Variants in ST6GALNAC5 observed in about 807,000 individuals in gnomAD.
ST6GALNAC5 encodes the protein ST6 N-acetylgalactosaminide alpha-2,6-sialyltransferase 5, also known as alpha-N-acetylgalactosaminide alpha-2,6-sialyltransferase 5.
A neutral mutation model predicts 33.6 loss-of-function variants in ST6GALNAC5; 27 were observed. The ratio of observed to expected loss-of-function variants is 0.80; its 90% CI spans 0.59 to 1.11. The LOEUF (loss-of-function observed/expected upper bound fraction) is 1.11. Among genes scored for constraint, ST6GALNAC5 ranks in the 50% least tolerant of loss-of-function variants. The pLI is 0.00. For synonymous variants in ST6GALNAC5, 194 were observed against 171.2 expected (o/e 1.13, Z -1.04); for missense variants, 428 against 454.0 (o/e 0.94, Z 0.52).
At chr1:76,945,356 G>A (rs975428397) in intron 2 of ST6GALNAC5, among the ~76,000 whole-genome samples, 1 of 151,586 alleles carries the variant, frequency 6.6e-6, no homozygotes, top group Admixed American at 6.6e-5. Context: ...CAAAATAGTA[G>A]GAACGCAATA....
chr1:76,977,042 A>C (rs988645197), intron 2 of ST6GALNAC5, among the ~76,000 whole-genome samples: 1 of 152,174 alleles, frequency 6.6e-6, no homozygotes, highest in Non-Finnish European at 1.5e-5. Context: ...ACTTTGAGTA[A>C]TAAGGTTCTA....
At chr1:77,010,374 A>G (rs1650587227) in intron 2 of ST6GALNAC5, among the ~76,000 whole-genome samples, 1 of 152,142 alleles carries the variant, frequency 6.6e-6, no homozygotes, top group Non-Finnish European at 1.5e-5. Context: ...ACACACTTGT[A>G]ATCTCACCTA....
chr1:76,915,875 C>CAAA (rs527844179), intron 2 of ST6GALNAC5, among the ~76,000 whole-genome samples: 2 of 139,050 alleles, frequency 1.4e-5, no homozygotes, highest in Non-Finnish European at 3.1e-5. Flanking sequence ...TGAAAAATAA[C>CAAA]AAAAAAAAAA....
chr1:76,881,010 A>G (rs1221702945), intron 2 of ST6GALNAC5, among the ~76,000 whole-genome samples: 1 of 152,224 alleles, frequency 6.6e-6, no homozygotes, highest in Non-Finnish European at 1.5e-5. Flanking sequence ...GACTTTGAAA[A>G]ATTAAAACAT....
chr1:76,953,131 G>T (rs944023437), intron 2 of ST6GALNAC5, among the ~76,000 whole-genome samples: 3 of 152,130 alleles, frequency 2.0e-5, no homozygotes, highest in African/African-American at 7.2e-5. Context: ...GTTATGGATA[G>T]AGCTGCCATA....
chr1:76,900,557 C>T (rs1557715328), intron 2 of ST6GALNAC5, among the ~76,000 whole-genome samples: 2 of 152,080 alleles, frequency 1.3e-5, no homozygotes, highest in African/African-American at 2.4e-5. Context: ...AAAAAGAGAG[C>T]CAATTATTTT....
chr1:76,953,014 G>GT (rs1398683850), intron 2 of ST6GALNAC5, among the ~76,000 whole-genome samples: 3 of 152,044 alleles, frequency 2.0e-5, no homozygotes, highest in Non-Finnish European at 2.9e-5. Context: ...ATAGTTGCAT[G>GT]TATCATTTCT....
In ST6GALNAC5 at chr1:77,067,445, G is replaced by A. The variant is rs893688319; in HGVS notation, c.*4239G>A. On this transcript the variant is annotated 3_prime_UTR_variant, in exon 5 of 5. Coordinates refer to ENST00000477717, the MANE Select transcript of ST6GALNAC5 (RefSeq NM_030965.3). ...TAATTAGATTGTAAGCTCCTTGAGG[G>A]CAGAGACTCTTTCTCCTTTGTCTCT... is the stretch of plus-strand genomic sequence containing the variant. Among the ~76,000 whole-genome samples, 4 of 152,148 alleles carry A rather than the reference G, an allele frequency of 2.6e-5. No individual in the cohort carries two copies. The highest frequency in any genetic ancestry group is 5.9e-5 in the Non-Finnish European group (4 of 68,034).
At chr1:77,018,957 G>A (rs758594840) in intron 2 of ST6GALNAC5, among the ~76,000 whole-genome samples, 7 of 152,208 alleles carry the variant, frequency 4.6e-5, no homozygotes, top group African/African-American at 2.4e-5. Context: ...CAGGGGCTGA[G>A]AAGGGACTCA....
chr1:76,975,863 G>A (rs1037145480), intron 2 of ST6GALNAC5, among the ~76,000 whole-genome samples: 1 of 152,228 alleles, frequency 6.6e-6, no homozygotes, highest in African/African-American at 2.4e-5. Context: ...GGGAGGCTGA[G>A]ATGGGCAGAT....
chr1:76,972,983 C>G (rs1278956319), intron 2 of ST6GALNAC5, among the ~76,000 whole-genome samples: 1 of 151,898 alleles, frequency 6.6e-6, no homozygotes, highest in Admixed American at 6.6e-5. Context: ...TTCCATTGGT[C>G]TGTTGGTCCT....
At chr1:76,999,338 T>G (rs1363196584) in intron 2 of ST6GALNAC5, among the ~76,000 whole-genome samples, 1 of 152,190 alleles carries the variant, frequency 6.6e-6, no homozygotes, top group African/African-American at 2.4e-5. Context: ...AGACTTACTT[T>G]AATTCTGATC....
chr1:76,913,208 G>C (rs1447202994), intron 2 of ST6GALNAC5, among the ~76,000 whole-genome samples: 13 of 151,564 alleles, frequency 8.6e-5, no homozygotes, highest in Admixed American at 8.5e-4. Flanking sequence ...GAAATTCTGG[G>C]TTGAAAATTC....
intron 2 of ST6GALNAC5, among the ~76,000 whole-genome samples, chr1:77,005,910 C>T (rs1028831594): frequency 3.3e-5 from 5 of 152,222 alleles, no homozygotes; most frequent in African/African-American, 1.2e-4. Context: ...ATATGTTCTA[C>T]TCCATGTTAT....
In ST6GALNAC5 at chr1:77,050,244, A is replaced by G. The variant is rs1570138769; in HGVS notation, c.672-14A>G. On this transcript the variant is annotated splice_polypyrimidine_tract_variant and intron_variant, in intron 3 of 4. Coordinates refer to ENST00000477717, the MANE Select transcript of ST6GALNAC5 (RefSeq NM_030965.3). ...ACTTTACCAGCTTGCAGACTTAATT[A>G]TTGTTCCTTCCAGGAAGATATCCAA... The G allele has an allele frequency of 6.2e-7, 1 of 1,611,626 alleles. No homozygotes were observed. Among genetic ancestry groups the G allele is most frequent in the Non-Finnish European group, 8.5e-7 (1 of 1,177,772 alleles).
intron 2 of ST6GALNAC5, among the ~76,000 whole-genome samples, chr1:76,893,447 G>C (rs1043880827): frequency 6.6e-6 from 1 of 152,136 alleles, no homozygotes; most frequent in Admixed American, 6.5e-5. Context: ...CCATTTGCTG[G>C]CAGTGATTTT....
intron 2 of ST6GALNAC5, among the ~76,000 whole-genome samples, chr1:76,955,787 T>C (rs1477031137): frequency 6.6e-6 from 1 of 152,216 alleles, no homozygotes; most frequent in African/African-American, 2.4e-5. Flanking sequence ...TTTTAAGTTT[T>C]TGCTGATTTT....
intron 2 of ST6GALNAC5, among the ~76,000 whole-genome samples, chr1:76,984,329 G>T (rs1318674304): frequency 6.6e-6 from 1 of 152,048 alleles, no homozygotes; most frequent in African/African-American, 2.4e-5. Context: ...ATGACAAAGT[G>T]GATATCACCA....
chr1:76,932,393 G>C (rs140528313), intron 2 of ST6GALNAC5, among the ~76,000 whole-genome samples: 2 of 152,220 alleles, frequency 1.3e-5, no homozygotes, highest in East Asian at 3.9e-4. Context: ...TCACAGGTGT[G>C]GGGGATAAGT....
Sources: allele counts gnomAD v4.1 joint callset (sites outside exome capture counted in the v4.1 genomes callset), GRCh38; gene constraint gnomAD v4.1.1; transcripts MANE v1.5; gene names NCBI Gene and HGNC (gene_info 2026-07-23, HGNC 2026-07-21).